Variants in RSPRY1 observed in about 807,000 individuals in gnomAD.
RSPRY1 encodes ring finger and SPRY domain containing 1.
RSPRY1 carries 23 observed loss-of-function variants against 73.1 expected under a neutral mutation model. That is an observed-to-expected ratio of 0.31 (90% confidence interval 0.23 to 0.45). The LOEUF (loss-of-function observed/expected upper bound fraction) is 0.45. Ranked by LOEUF, RSPRY1 falls within the 20% of genes least tolerant of loss-of-function variation. RSPRY1 has a pLI of 1.00. For synonymous variants in RSPRY1, 226 were observed against 251.4 expected (o/e 0.90, Z 0.95); for missense variants, 448 against 698.7 (o/e 0.64, Z 4.05).
chr16:57,187,870 C>A (rs1456969163), intron 1 of RSPRY1, among the ~76,000 whole-genome samples: 2 of 152,188 alleles, frequency 1.3e-5, no homozygotes, highest in Admixed American at 6.5e-5. Flanking sequence ...CTTTGAACTT[C>A]TTATGGTGCT....
intron 2 of RSPRY1, chr16:57,205,384 A>G (rs76086740): frequency 0.012 from 2,209 of 188,060 alleles, 39 homozygotes; most frequent in Middle Eastern, 0.089. Flanking sequence ...GATTCAAGGT[A>G]AGTTGTTTTA....
At chr16:57,238,773 C>T in intron 14 of RSPRY1, 106 bp from the exon 15 acceptor site, 2 of 571,236 alleles carry the variant, frequency 3.5e-6, no homozygotes, top group Non-Finnish European at 3.1e-6. Context: ...AATTAGTAAC[C>T]CTTTCAATGA....
At chr16:57,188,634 A>G (rs1212763565) in intron 1 of RSPRY1, among the ~76,000 whole-genome samples, 1 of 151,994 alleles carries the variant, frequency 6.6e-6, no homozygotes, top group African/African-American at 2.4e-5. Context: ...CTCCTGCCTC[A>G]GCCTCCGGAG....
chr16:57,197,140 T>C (rs2074462946), intron 1 of RSPRY1, among the ~76,000 whole-genome samples: 1 of 152,182 alleles, frequency 6.6e-6, no homozygotes, highest in Non-Finnish European at 1.5e-5. Flanking sequence ...TTTTTTTGAA[T>C]GGATGAAACA....
chr16:57,217,584 G>A (rs1354215301), intron 8 of RSPRY1, among the ~76,000 whole-genome samples: 2 of 152,210 alleles, frequency 1.3e-5, no homozygotes, highest in Non-Finnish European at 2.9e-5. Context: ...GGGACTGAAA[G>A]TATTTCAGAT....
intron 1 of RSPRY1, among the ~76,000 whole-genome samples, chr16:57,197,031 G>A (rs1190308287): frequency 2.0e-5 from 3 of 152,208 alleles, no homozygotes; most frequent in African/African-American, 7.2e-5. Context: ...AACAGAGTGT[G>A]TACTGTGCTA....
chr16:57,187,676 A>G (rs1227195560), intron 1 of RSPRY1, among the ~76,000 whole-genome samples: 5 of 152,176 alleles, frequency 3.3e-5, no homozygotes, highest in African/African-American at 1.2e-4. Flanking sequence ...TAGTATGTAG[A>G]GGTAAGGGGT....
intron 13 of RSPRY1, among the ~76,000 whole-genome samples, chr16:57,232,402 A>G (rs111444290): frequency 1.2e-4 from 18 of 152,302 alleles, no homozygotes; most frequent in African/African-American, 4.3e-4. Flanking sequence ...AGGGTTGCAT[A>G]TGTTCCCGCT....
rs74471685 is a variant in RSPRY1, at chr16:57,186,428, C to G, written c.-179C>G. 0.033 allele frequency: 5,230 copies of G among 156,378 alleles called. 276 individuals carry two copies. The highest frequency in any genetic ancestry group is 0.21 in the East Asian group (1,085 of 5,254). 9.7% of individuals were successfully genotyped at this position (156,378 alleles called of 1,614,324 possible). On this transcript the variant is annotated 5_prime_UTR_variant, in exon 1 of 15. Coordinates refer to ENST00000394420, the MANE Select transcript of RSPRY1 (RefSeq NM_133368.3). ...CGCCGCCGCCGCCGCCCCCTCCCTCCGGTGGGCCCGGGAGGTAGAGAAAGT... is the reference window on the plus strand; with the variant it reads ...CGCCGCCGCCGCCGCCCCCTCCCTCGGGTGGGCCCGGGAGGTAGAGAAAGT...
chr16:57,197,040 T>A (rs894752028), intron 1 of RSPRY1, among the ~76,000 whole-genome samples: 4 of 152,230 alleles, frequency 2.6e-5, no homozygotes, highest in Non-Finnish European at 5.9e-5. Flanking sequence ...TGTACTGTGC[T>A]ATGGTGGCTT....
chr16:57,195,763 C>A (rs750613608), intron 1 of RSPRY1, among the ~76,000 whole-genome samples: 4 of 151,460 alleles, frequency 2.6e-5, no homozygotes, highest in Non-Finnish European at 4.4e-5. Context: ...TGGCTCACAC[C>A]TGTAATCCCA....
chr16:57,186,506 G>C (rs1354377144), intron 1 of RSPRY1, 55 bp downstream of exon 1: 1 of 153,082 alleles, frequency 6.5e-6, no homozygotes, highest in East Asian at 1.9e-4. Flanking sequence ...CGGAACGGGA[G>C]GGAGTCTGAG....
chr16:57,202,614 T>G (rs2074640110), intron 1 of RSPRY1, among the ~76,000 whole-genome samples: 1 of 152,172 alleles, frequency 6.6e-6, no homozygotes, highest in Non-Finnish European at 1.5e-5. Context: ...AGCTGGTCCT[T>G]GCATCATACT....
rs548018429 is a variant in RSPRY1, at chr16:57,201,686, C to T, written c.-155-2818C>T. On this transcript the variant is annotated intron_variant, in intron 1 of 14. Coordinates refer to ENST00000394420, the MANE Select transcript of RSPRY1 (RefSeq NM_133368.3). ...TGGGCACCATTGAGCACTGAGTGAA[C>T]GCGACTCCGTCTGCCATCCCGGCAC... is the stretch of plus-strand genomic sequence containing the variant. 5.1e-3 allele frequency among the ~76,000 whole-genome samples: 781 copies of T among 152,338 alleles called. 5 individuals are homozygous for T. Among genetic ancestry groups the T allele is most frequent in the African/African-American group, 0.018 (743 of 41,584 alleles).
chr16:57,202,884 A>ATATATATATATATATG (rs1158114054), intron 1 of RSPRY1, among the ~76,000 whole-genome samples: 1 of 44,146 alleles, frequency 2.3e-5, no homozygotes, highest in East Asian at 6.3e-4. Flanking sequence ...ATGATTATAT[A>ATATATATATATATATG]TATATATATA....
intron 14 of RSPRY1, among the ~76,000 whole-genome samples, chr16:57,238,004 C>G (rs1050730704): frequency 6.6e-6 from 1 of 151,962 alleles, no homozygotes; most frequent in African/African-American, 2.4e-5. Context: ...CTATGACTTA[C>G]AAAATACACA....
intron 2 of RSPRY1, among the ~76,000 whole-genome samples, chr16:57,207,323 CT>C (rs1381460314): frequency 8.2e-4 from 118 of 144,524 alleles, no homozygotes; most frequent in African/African-American, 1.3e-3. Flanking sequence ...GTTTTTGGGG[CT>C]TTTTTTTTTT....
rs200887019 is a variant in RSPRY1, at chr16:57,204,902, C to A, written c.244C>A (p.Arg82=). Residue 82 remains arginine (R), a synonymous_variant, in exon 2 of 15, where the codon CGG becomes AGG. Coordinates refer to ENST00000394420, the MANE Select transcript of RSPRY1 (RefSeq NM_133368.3). Reference sequence around the variant, plus strand: ...AAGGAGCCAACCACGGGACCCTGTTCGGCCACCAAGGAGGGGCCGAGGACC... The same window carrying A: ...AAGGAGCCAACCACGGGACCCTGTTAGGCCACCAAGGAGGGGCCGAGGACC... The part of the protein sequence containing the change: ...DTRSQPRDPV[R]PPRRGRGPHE... The A allele has an allele frequency of 6.2e-6, 10 of 1,614,112 alleles. No homozygotes were observed. The highest frequency in any genetic ancestry group is 8.5e-6 in the Non-Finnish European group (10 of 1,180,044).
chr16:57,226,568 C>G (rs1213799827), intron 10 of RSPRY1, among the ~76,000 whole-genome samples: 1 of 152,166 alleles, frequency 6.6e-6, no homozygotes, highest in African/African-American at 2.4e-5. Context: ...ACTGCCATGA[C>G]ATTGTAAAGT....
Sources: gnomAD v4.1 joint callset for allele counts (sites outside exome capture counted in the v4.1 genomes callset) on GRCh38, gnomAD v4.1.1 for gene constraint, MANE v1.5 for transcripts, NCBI Gene and HGNC (gene_info 2026-07-23, HGNC 2026-07-21) for gene names.